NEDD4: variants seen among roughly 807,000 people sequenced by gnomAD.
NEDD4 encodes the protein NEDD4 E3 ubiquitin protein ligase.
NEDD4 carries 99 observed loss-of-function variants against 144.9 expected under a neutral mutation model. The ratio of observed to expected loss-of-function variants is 0.68; its 90% confidence interval spans 0.58 to 0.81. The LOEUF is 0.81. Ranked by LOEUF, NEDD4 falls within the 30% of genes least tolerant of loss-of-function variation. The pLI is 0.00. For missense variants in NEDD4, 985 were observed against 1,065.9 expected (o/e 0.92, Z 1.06); for synonymous variants, 318 against 350.6 (o/e 0.91, Z 1.04).
chr15:55,985,754 TACACATAC>T (rs1325755985), intron 1 of NEDD4, among the ~76,000 whole-genome samples: 15 of 111,638 alleles, frequency 1.3e-4, no homozygotes, highest in African/African-American at 6.4e-4. Context: ...GTGTGTAGAG[TACACATAC>T]ACACACACAC....
chr15:55,838,148 T>G lies in NEDD4; in HGVS notation c.2160A>C (p.Ser720=), dbSNP rs1200337827. 6.3e-7 allele frequency: 1 copy of G among 1,596,780 alleles called. No homozygotes were observed. Among genetic ancestry groups the G allele is most frequent in the African/African-American group, 1.3e-5 (1 of 74,778 alleles). The change falls in exon 23 of 29, where the codon TCA becomes TCC. Residue 720 remains serine (S), a synonymous_variant. Transcript: ENST00000435532. ...TGTTCTTATTGGTGACAACTATTTC[T>G]GATCCACCATTTTTCAGCTCATGTT... ...THQHELKNGG[S]EIVVTNKNKK...
intron 1 of NEDD4, among the ~76,000 whole-genome samples, chr15:55,976,626 AAT>A (rs142193286): frequency 0.12 from 15,585 of 131,226 alleles, 915 homozygotes; most frequent in East Asian, 0.34. Context: ...TCTGGGCAAA[AAT>A]TTTTTTTTTT....
At position 55,830,526 on chromosome 15, in the gene NEDD4, CT is replaced by C; in HGVS notation, c.2587del (p.Arg863GlufsTer54). On this transcript the variant is annotated frameshift_variant, in exon 28 of 29. Coordinates refer to ENST00000435532, the MANE Select transcript of NEDD4 (RefSeq NM_006154.4). LOFTEE classifies it high-confidence loss of function. The part of the protein sequence containing the change: ...EQWGTPEKLP[R>X]AHTCFNRLDL... Reference sequence around the variant, plus strand: ...AACAACTGCTTACCAGGTATGAGCTCTTGGCAGCTTTTCAGGAGTACCCCAC... The same window carrying C: ...AACAACTGCTTACCAGGTATGAGCTCTGGCAGCTTTTCAGGAGTACCCCAC... 6.2e-7 allele frequency: 1 copy of C among 1,614,106 alleles called. No individual in the cohort carries two copies. The highest frequency in any genetic ancestry group is 1.1e-5 in the South Asian group (1 of 91,074).
chr15:55,931,450 A>T (rs1424221426), intron 4 of NEDD4, among the ~76,000 whole-genome samples: 2 of 152,230 alleles, frequency 1.3e-5, no homozygotes, highest in Non-Finnish European at 2.9e-5. Context: ...TTGAAGATAG[A>T]AGTAAAACTA....
At chr15:55,906,360 T>C (rs571856911) in intron 5 of NEDD4, among the ~76,000 whole-genome samples, 45 of 152,194 alleles carry the variant, frequency 3.0e-4, no homozygotes, top group African/African-American at 1.0e-3. Context: ...CTATTCACAA[T>C]AGCAAAGACT....
chr15:55,930,041 A>G (rs1157634972), intron 4 of NEDD4, among the ~76,000 whole-genome samples: 2 of 152,206 alleles, frequency 1.3e-5, no homozygotes, highest in African/African-American at 4.8e-5. Flanking sequence ...AATAAAAAAG[A>G]GGATTTTCTG....
At chr15:55,933,326 T>A (rs1386231405) in intron 4 of NEDD4, among the ~76,000 whole-genome samples, 1 of 152,030 alleles carries the variant, frequency 6.6e-6, no homozygotes, top group Non-Finnish European at 1.5e-5. Flanking sequence ...GTGGCAGATA[T>A]ACACTGTGGA....
chr15:55,916,267 T>A, intron 5 of NEDD4: 1 of 1,614,086 alleles, frequency 6.2e-7, no homozygotes, highest in Non-Finnish European at 8.5e-7. Context: ...TAACTACTAC[T>A]GTCACTGATG....
At chr15:55,948,905 A>G (rs1172999198) in intron 4 of NEDD4, among the ~76,000 whole-genome samples, 3 of 152,250 alleles carry the variant, frequency 2.0e-5, no homozygotes, top group Non-Finnish European at 2.9e-5. Flanking sequence ...CAAGGACTTC[A>G]TGTCTAAAAC....
intron 2 of NEDD4, among the ~76,000 whole-genome samples, chr15:55,965,335 A>C (rs12442946): frequency 9.2e-5 from 14 of 151,958 alleles, no homozygotes; most frequent in Admixed American, 5.9e-4. Flanking sequence ...CCATGTAGCC[A>C]GGAGTACAGG....
intron 18 of NEDD4, among the ~76,000 whole-genome samples, chr15:55,846,175 T>C (rs1174783528): frequency 2.6e-5 from 4 of 152,222 alleles, no homozygotes; most frequent in African/African-American, 7.2e-5. Context: ...AAAAAAACTA[T>C]CATGTTTTCT....
chr15:55,912,546 A>G (rs1595835510), intron 5 of NEDD4, among the ~76,000 whole-genome samples: 1 of 152,148 alleles, frequency 6.6e-6, no homozygotes, highest in East Asian at 1.9e-4. Flanking sequence ...AATGCACATT[A>G]AATAATAGGG....
At position 55,871,127 on chromosome 15, in the gene NEDD4, C is replaced by A. The variant is rs145824169; in HGVS notation, c.404+1288G>T. Reference sequence around the variant, plus strand: ...CCTTTCATGAGTAGTCAGTGAAATCCTGATGCTTATTCCCAAGGCCGCTAA... The same window carrying A: ...CCTTTCATGAGTAGTCAGTGAAATCATGATGCTTATTCCCAAGGCCGCTAA... On this transcript the variant is annotated intron_variant, in intron 7 of 28. Transcript: ENST00000435532. 3.2e-3 allele frequency among the ~76,000 whole-genome samples: 486 copies of A among 152,216 alleles called. 7 individuals carry two copies. The highest frequency in any genetic ancestry group is 9.9e-4 in the Non-Finnish European group (67 of 68,012).
At chr15:55,984,756 C>T (rs1490191380) in intron 1 of NEDD4, among the ~76,000 whole-genome samples, 3 of 152,168 alleles carry the variant, frequency 2.0e-5, no homozygotes, top group African/African-American at 7.2e-5. Flanking sequence ...TCTCCTATCC[C>T]CTCCCCATTC....
intron 4 of NEDD4, among the ~76,000 whole-genome samples, chr15:55,924,919 T>C (rs113520194): frequency 0.029 from 4,401 of 152,132 alleles, 72 homozygotes; most frequent in Non-Finnish European, 0.035. Context: ...AATACAAAAA[T>C]GAGCCAGGTA....
At chr15:55,871,408 G>T (rs1244999217) in intron 7 of NEDD4, among the ~76,000 whole-genome samples, 1 of 152,132 alleles carries the variant, frequency 6.6e-6, no homozygotes, top group South Asian at 2.1e-4. Context: ...GCAGACAGAA[G>T]AAACAAATTG....
rs2033845440 is a variant in NEDD4, at chr15:55,848,534, G to C, written c.1470C>G (p.Phe490Leu). 1.4e-5 allele frequency: 23 copies of C among 1,613,606 alleles called. No homozygotes were observed. The highest frequency in any genetic ancestry group is 1.2e-5 in the Non-Finnish European group (14 of 1,179,704). The change falls in exon 16 of 29, where the codon TTC (phenylalanine) becomes TTG (leucine). Residue 490 changes from phenylalanine (F) to leucine (L), a missense_variant. By Grantham distance (22) the Phe-to-Leu change is conservative. Coordinates refer to ENST00000435532, the MANE Select transcript of NEDD4 (RefSeq NM_006154.4). Reference sequence around the variant, plus strand: ...CACTGCACATACTGTGATTTATGTAGAAGATTCTTCCATCTGTGTGAGTTC... The same window carrying C: ...CACTGCACATACTGTGATTTATGTACAAGATTCTTCCATCTGTGTGAGTTC... ...EERTHTDGRIFYINHNIKRTQ... is the reference protein window; with the variant it reads ...EERTHTDGRILYINHNIKRTQ...
chr15:55,922,804 G>C (rs554696861), intron 5 of NEDD4, among the ~76,000 whole-genome samples: 1 of 152,180 alleles, frequency 6.6e-6, no homozygotes, highest in African/African-American at 2.4e-5. Flanking sequence ...TCTAGGGAGG[G>C]TTTCAAAGAT....
rs1451778047 is a variant in NEDD4, at chr15:55,848,631, A to C, written c.1429-56T>G. 7 of 1,467,670 alleles carry C rather than the reference A, an allele frequency of 4.8e-6. No homozygotes were observed. The African/African-American group carries it at 9.8e-5, about 21-fold the overall frequency. The allele number at this position is 1,467,670 out of a possible 1,614,324, so 90.9% of individuals were successfully genotyped here. A position where few individuals can be genotyped will look rare whatever the true frequency, so the allele number is the denominator to read the frequency against. On this transcript the variant is annotated intron_variant, in intron 15 of 28. Coordinates refer to ENST00000435532, the MANE Select transcript of NEDD4 (RefSeq NM_006154.4). Reference sequence around the variant, plus strand: ...AGGAGAGGGGCGTAGATGAATGGATAGAAAAATAGCACTGGTTGTATGGTT... The same window carrying C: ...AGGAGAGGGGCGTAGATGAATGGATCGAAAAATAGCACTGGTTGTATGGTT...
Sources: allele counts gnomAD v4.1 joint callset (sites outside exome capture counted in the v4.1 genomes callset), GRCh38; gene constraint gnomAD v4.1.1; transcripts MANE v1.5; gene names NCBI Gene and HGNC (gene_info 2026-07-23, HGNC 2026-07-21).